SESN3: variants seen among roughly 807,000 people sequenced by gnomAD.
SESN3 encodes sestrin 3, also known as sestrin-3.
SESN3 carries 21 observed loss-of-function variants against 55.3 expected under a neutral mutation model. The observed-to-expected ratio is 0.38, with a 90% confidence interval of 0.27 to 0.55. The LOEUF (loss-of-function observed/expected upper bound fraction) is 0.55, where lower values mean the gene tolerates loss of function less well. Ranked by LOEUF, SESN3 falls within the 20% of genes least tolerant of loss-of-function variation. The probability of loss-of-function intolerance (pLI) is 0.76; values close to 1 mark genes in which losing one functional copy is unlikely to be tolerated. For synonymous variants in SESN3, 181 were observed against 203.1 expected, an observed-to-expected ratio of 0.89 and a Z score of 0.93; for missense variants, 408 against 604.3, an observed-to-expected ratio of 0.68 and a Z score of 3.41.
At chr11:95,209,086 A>G (rs1454888706) in intron 1 of SESN3, among the ~76,000 whole-genome samples, 1 of 151,566 alleles carries the variant, frequency 6.6e-6, no homozygotes, top group Admixed American at 6.6e-5. Flanking sequence ...TAATTAAACT[A>G]AAGAGCTTCT....
intron 1 of SESN3, among the ~76,000 whole-genome samples, chr11:95,209,914 G>C (rs182019887): frequency 6.8e-6 from 1 of 148,084 alleles, no homozygotes; most frequent in East Asian, 2.0e-4. Flanking sequence ...CTACTCTGGA[G>C]GCTGAGGCAG....
At chr11:95,183,167 T>G (rs996967631) in intron 6 of SESN3, among the ~76,000 whole-genome samples, 2 of 152,166 alleles carry the variant, frequency 1.3e-5, no homozygotes, top group African/African-American at 2.4e-5. Flanking sequence ...GCTGAAACTC[T>G]ATCAGGTACT....
rs533711553 is a variant in SESN3 at position 95,208,099 on chromosome 11, T to TA, written c.79-14578dup. Among the ~76,000 whole-genome samples, 230 of 151,388 alleles carry TA rather than the reference T, an allele frequency of 1.5e-3. 6 individuals are homozygous for TA. The highest frequency in any genetic ancestry group is 9.1e-3 in the South Asian group (43 of 4,720). ...TGATTTTCTTCTTTCCTTAGTTTTT[T>TA]AAAAAAAATGAATCAAGGGATTATT... On this transcript the variant is annotated intron_variant, in intron 1 of 9. Transcript: ENST00000536441.
chr11:95,190,770 GC>G (rs1405496376), intron 3 of SESN3, among the ~76,000 whole-genome samples: 52 of 152,070 alleles, frequency 3.4e-4, no homozygotes, highest in African/African-American at 1.3e-3. Flanking sequence ...AGCCCTGTCA[GC>G]CCAGTTTCTT....
intron 1 of SESN3, among the ~76,000 whole-genome samples, chr11:95,228,715 T>G (rs1289217692): frequency 1.3e-5 from 2 of 152,226 alleles, no homozygotes; most frequent in Non-Finnish European, 2.9e-5. Flanking sequence ...ATTAAGTTAT[T>G]TCATGCCACT....
Position 95,172,818 on chromosome 11 carries a change from A to G in SESN3, c.*437T>C, listed in dbSNP as rs1859875127. Reference sequence around the variant, plus strand: ...CATTAAAGTTTTAGAATGGCCAGAGAGGTCACTCTTTGCTGAATTCCAATA... The same window carrying G: ...CATTAAAGTTTTAGAATGGCCAGAGGGGTCACTCTTTGCTGAATTCCAATA... On this transcript the variant is annotated 3_prime_UTR_variant, in exon 10 of 10. Coordinates refer to ENST00000536441, the MANE Select transcript of SESN3 (RefSeq NM_144665.4). The G allele has an allele frequency of 6.5e-6, 1 of 154,066 alleles. No individual in the cohort carries two copies. Among genetic ancestry groups the G allele is most frequent in the South Asian group, 2.1e-4 (1 of 4,840 alleles). 9.5% of individuals were successfully genotyped at this position (154,066 alleles called of 1,614,324 possible).
chr11:95,177,543 A>G (rs534607824), intron 8 of SESN3, among the ~76,000 whole-genome samples, 176 bp downstream of exon 8: 9 of 152,284 alleles, frequency 5.9e-5, no homozygotes, highest in African/African-American at 2.2e-4. Flanking sequence ...CAATGTTAAG[A>G]TTCATAACAC....
At chr11:95,224,575 A>G in intron 1 of SESN3, 1 of 330,720 alleles carries the variant, frequency 3.0e-6, no homozygotes, top group Non-Finnish European at 5.9e-6. Context: ...AAATCTTTCA[A>G]ATACTGACAA....
At chr11:95,192,260 A>G (rs1346587579) in intron 2 of SESN3, among the ~76,000 whole-genome samples, 1 of 152,108 alleles carries the variant, frequency 6.6e-6, no homozygotes, top group Non-Finnish European at 1.5e-5. Flanking sequence ...AGTTTTCTCA[A>G]AAATAGATTA....
At chr11:95,210,450 T>C (rs996803374) in intron 1 of SESN3, among the ~76,000 whole-genome samples, 2 of 152,320 alleles carry the variant, frequency 1.3e-5, no homozygotes, top group African/African-American at 2.4e-5. Flanking sequence ...CTGTAAGTTA[T>C]GAAGCAGCAG....
At chr11:95,178,461 G>A (rs1859999216) in intron 7 of SESN3, among the ~76,000 whole-genome samples, 1 of 152,116 alleles carries the variant, frequency 6.6e-6, no homozygotes, top group African/African-American at 2.4e-5. Context: ...TAAACATTAT[G>A]CAAATACCAC....
Position 95,192,484 on chromosome 11 carries a change from A to G in SESN3, c.145-883T>C, listed in dbSNP as rs372647021. Among the ~76,000 whole-genome samples, 28 of 152,230 alleles carry G rather than the reference A, an allele frequency of 1.8e-4. No individual in the cohort carries two copies. In the South Asian group the frequency reaches 5.2e-3, roughly 28 times the overall value. ...TTAGAGATAAGGAAACAGATTTAAGATTAAATTCAAGCTCATGCACTTTAT... is the reference window on the plus strand; with the variant it reads ...TTAGAGATAAGGAAACAGATTTAAGGTTAAATTCAAGCTCATGCACTTTAT... On this transcript the variant is annotated intron_variant, in intron 2 of 9. Transcript: ENST00000536441.
At chr11:95,195,525 C>G (rs550797710) in intron 1 of SESN3, among the ~76,000 whole-genome samples, 1 of 152,240 alleles carries the variant, frequency 6.6e-6, no homozygotes, top group South Asian at 2.1e-4. Context: ...ATGCATATAA[C>G]CAGCTACGGC....
chr11:95,185,837 C>T (rs966313632), intron 4 of SESN3, among the ~76,000 whole-genome samples: 8 of 151,788 alleles, frequency 5.3e-5, no homozygotes, highest in Non-Finnish European at 1.2e-4. Flanking sequence ...TCGAACAAAA[C>T]CATTCATTTT....
At position 95,177,838 on chromosome 11, in the gene SESN3, A is replaced by G. The variant is rs147086202; in HGVS notation, c.1128T>C (p.Asp376=). Residue 376 remains aspartate, a synonymous_variant, in exon 8 of 10, where the codon GAT becomes GAC. Transcript: ENST00000536441. ...GATTGTAGACCATCCGAAACTTTTC[A>G]TCAAGAAGATGTCCAATGTCAGAAT... The part of the protein sequence containing the change: ...RLYSDIGHLL[D]EKFRMVYNLT... 7.5e-6 allele frequency: 12 copies of G among 1,606,528 alleles called. No homozygotes were observed. The African/African-American group carries it at 1.3e-4, about 18-fold the overall frequency.
chr11:95,191,050 C>T lies in SESN3; in HGVS notation c.342+354G>A, dbSNP rs558208672. On this transcript the variant is annotated intron_variant, in intron 3 of 9. Transcript: ENST00000536441. ...GTGACATTCTTTATGTATAAAATTACTAAGAAAAATGTCACAAACAACTTG... is the reference window on the plus strand; with the variant it reads ...GTGACATTCTTTATGTATAAAATTATTAAGAAAAATGTCACAAACAACTTG... Among the ~76,000 whole-genome samples the T allele has an allele frequency of 1.9e-4, 29 of 151,966 alleles. No homozygotes were observed. In the South Asian group the frequency reaches 5.8e-3, roughly 30 times the overall value.
intron 1 of SESN3, among the ~76,000 whole-genome samples, chr11:95,221,261 G>A (rs570870438): frequency 6.5e-4 from 99 of 151,912 alleles, no homozygotes; most frequent in Non-Finnish European, 1.2e-3. Flanking sequence ...CCAAGATGGC[G>A]CCACTGCACT....
intron 4 of SESN3, among the ~76,000 whole-genome samples, chr11:95,186,061 T>C (rs1172042955): frequency 6.6e-6 from 1 of 152,014 alleles, no homozygotes; most frequent in South Asian, 2.1e-4. Context: ...AGCTGAATGA[T>C]GGATCACAAA....
intron 1 of SESN3, among the ~76,000 whole-genome samples, chr11:95,216,041 T>G (rs1591074576): frequency 7.2e-6 from 1 of 138,318 alleles, no homozygotes; most frequent in Non-Finnish European, 1.5e-5. Flanking sequence ...GAGCTTGCAG[T>G]GAGCCGAGAT....
Sources: gnomAD v4.1 joint callset for allele counts (sites outside exome capture counted in the v4.1 genomes callset) on GRCh38, gnomAD v4.1.1 for gene constraint, MANE v1.5 for transcripts, NCBI Gene and HGNC (gene_info 2026-07-23, HGNC 2026-07-21) for gene names.